The following DCDC2C variants were observed in gnomAD, a reference collection of about 807,000 sequenced individuals.
The protein encoded by DCDC2C is doublecortin domain containing 2C.
In DCDC2C, 44 loss-of-function variants were observed where a neutral mutation model predicts 45.0. That is an observed-to-expected ratio of 0.98 (90% CI 0.77 to 1.26). DCDC2C has a LOEUF of 1.26. Ranked by LOEUF, DCDC2C falls within the 50% of genes most tolerant of loss-of-function variation. The pLI, the probability that DCDC2C is intolerant of heterozygous loss-of-function variation, is 0.00. For synonymous variants in DCDC2C, 187 were observed against 178.8 expected, an observed-to-expected ratio of 1.05 and a Z score of -0.37; for missense variants, 447 against 468.9, an observed-to-expected ratio of 0.95 and a Z score of 0.43.
chr2:3,819,833 G>C (rs892194739), intron 10 of DCDC2C, among the ~76,000 whole-genome samples: 5 of 152,188 alleles, frequency 3.3e-5, no homozygotes, highest in South Asian at 4.1e-4. Flanking sequence ...TTGGGCAGGT[G>C]GGGGAGGGCT....
intron 1 of DCDC2C, among the ~76,000 whole-genome samples, chr2:3,705,175 G>A (rs571090373): frequency 6.6e-6 from 1 of 152,294 alleles, no homozygotes; most frequent in East Asian, 1.9e-4. Flanking sequence ...TTAGTATGAG[G>A]GCTGGTGTAT....
intron 10 of DCDC2C, among the ~76,000 whole-genome samples, chr2:3,816,105 G>A (rs1467027985): frequency 6.6e-6 from 1 of 152,166 alleles, no homozygotes; most frequent in Admixed American, 6.5e-5. Flanking sequence ...TAAGCTGAAG[G>A]AAGATTTTGT....
chr2:3,789,404 T>G (rs11887746), intron 10 of DCDC2C, among the ~76,000 whole-genome samples: 1 of 151,964 alleles, frequency 6.6e-6, no homozygotes, highest in African/African-American at 2.4e-5. Context: ...TATACTGTAT[T>G]TATTTATATT....
intron 2 of DCDC2C, among the ~76,000 whole-genome samples, chr2:3,718,763 C>G (rs541365652): frequency 6.6e-6 from 1 of 152,138 alleles, no homozygotes; most frequent in Non-Finnish European, 1.5e-5. Context: ...GTGGGTTTGT[C>G]GTCTCGCTGA....
chr2:3,708,487 T>G, intron 1 of DCDC2C, 62 bp from the exon 2 acceptor site: 1 of 1,332,756 alleles, frequency 7.5e-7, no homozygotes, highest in Non-Finnish European at 1.0e-6. Flanking sequence ...TTCTAAGGAG[T>G]CTGGAACTTT....
chr2:3,710,754 G>A (rs537689202), intron 2 of DCDC2C, among the ~76,000 whole-genome samples: 18 of 152,222 alleles, frequency 1.2e-4, no homozygotes, highest in East Asian at 7.7e-4. Context: ...CTGTTCCTGC[G>A]TTAATTCACT....
chr2:3,785,732 T>C (rs1352992128), intron 10 of DCDC2C, among the ~76,000 whole-genome samples: 1 of 152,190 alleles, frequency 6.6e-6, no homozygotes, highest in African/African-American at 2.4e-5. Flanking sequence ...GTGATTTTTG[T>C]CTGAATGTGT....
intron 6 of DCDC2C, among the ~76,000 whole-genome samples, chr2:3,755,183 GTGTA>G (rs778911326): frequency 2.6e-5 from 4 of 152,136 alleles, no homozygotes; most frequent in Non-Finnish European, 5.9e-5. Flanking sequence ...ATGCATGTGT[GTGTA>G]TGGATGCATA....
At chr2:3,711,732 AC>A (rs752106599) in intron 2 of DCDC2C, among the ~76,000 whole-genome samples, 98 of 152,170 alleles carry the variant, frequency 6.4e-4, no homozygotes, top group Non-Finnish European at 1.2e-3. Flanking sequence ...AATGTAATGG[AC>A]CCTTTGTGGA....
chr2:3,733,319 T>C (rs1668927125), intron 3 of DCDC2C, among the ~76,000 whole-genome samples: 1 of 152,216 alleles, frequency 6.6e-6, no homozygotes, highest in Non-Finnish European at 1.5e-5. Context: ...AAAGCTAAAG[T>C]GTTCAAGCCA....
intron 10 of DCDC2C, among the ~76,000 whole-genome samples, chr2:3,808,719 T>C (rs1196245549): frequency 6.6e-6 from 1 of 152,262 alleles, no homozygotes; most frequent in Non-Finnish European, 1.5e-5. Context: ...TCTCATTCTC[T>C]TAACATTGTA....
Position 3,806,488 on chromosome 2 carries a change from C to T in DCDC2C, c.1065+21388C>T, listed in dbSNP as rs1044626521. Among the ~76,000 whole-genome samples the T allele has an allele frequency of 8.1e-4, 123 of 152,062 alleles. 5 individuals carry two copies. Among genetic ancestry groups the T allele is most frequent in the Admixed American group, 3.9e-4 (6 of 15,268 alleles). On this transcript the variant is annotated intron_variant, in intron 10 of 10. Coordinates refer to ENST00000399143, the MANE Select transcript of DCDC2C (RefSeq NM_001287444.2). The stretch of plus-strand genomic sequence containing the variant: ...GAGTAGAGACCCATCTCTTGAAATC[C>T]TCATTGACAAAGTGCATGAGCTTCA...
intron 10 of DCDC2C, among the ~76,000 whole-genome samples, chr2:3,833,504 T>C (rs931481187): frequency 6.6e-6 from 1 of 152,234 alleles, no homozygotes; most frequent in Admixed American, 6.5e-5. Context: ...ACCATTTCCA[T>C]TGCCATTGTG....
intron 8 of DCDC2C, among the ~76,000 whole-genome samples, chr2:3,777,758 C>A (rs375368124): frequency 6.6e-6 from 1 of 152,186 alleles, no homozygotes; most frequent in Non-Finnish European, 1.5e-5. Context: ...ACGTCTGCCT[C>A]GCCACGGAAC....
At chr2:3,844,045 GTTTTA>G (rs1479168886) in intron 10 of DCDC2C, 1 of 152,014 alleles carries the variant, frequency 6.6e-6, no homozygotes, top group Non-Finnish European at 1.5e-5. Context: ...TGGTGATTTT[GTTTTA>G]TTTTATTTAC....
intron 2 of DCDC2C, among the ~76,000 whole-genome samples, chr2:3,710,638 C>T (rs1265028554): frequency 6.6e-6 from 1 of 152,142 alleles, no homozygotes; most frequent in Non-Finnish European, 1.5e-5. Context: ...CTCCGTCCGC[C>T]ATCTATTAAT....
In DCDC2C at chr2:3,847,006, C is replaced by T. The variant is rs552412057; in HGVS notation, c.1066-148C>T. ...GTGAGGAGCTGTGTGTGCTGCAGGT[C>T]CCAGGTCCCACCCCACCCCTCCCAG... On this transcript the variant is annotated intron_variant, in intron 10 of 10. Coordinates refer to ENST00000399143, the MANE Select transcript of DCDC2C (RefSeq NM_001287444.2). The T allele has an allele frequency of 1.0e-4, 42 of 418,254 alleles. No homozygotes were observed. The East Asian group carries it at 1.5e-3, about 15-fold the overall frequency. The allele number at this position is 418,254 out of a possible 1,614,324, so 25.9% of individuals were successfully genotyped here. A position where few individuals can be genotyped will look rare whatever the true frequency, so the allele number is the denominator to read the frequency against.
At chr2:3,829,888 G>A (rs1158148767) in intron 10 of DCDC2C, among the ~76,000 whole-genome samples, 1 of 152,144 alleles carries the variant, frequency 6.6e-6, no homozygotes, top group South Asian at 2.1e-4. Flanking sequence ...GCTGTTATCA[G>A]TTATTGACAC....
intron 2 of DCDC2C, among the ~76,000 whole-genome samples, chr2:3,720,359 A>C (rs533658889): frequency 6.6e-6 from 1 of 151,216 alleles, no homozygotes; most frequent in Non-Finnish European, 1.5e-5. Context: ...AGAGGAACTC[A>C]CTAAAGCCTG....
Sources: allele counts gnomAD v4.1 joint callset (sites outside exome capture counted in the v4.1 genomes callset), GRCh38; gene constraint gnomAD v4.1.1; transcripts MANE v1.5; gene names NCBI Gene and HGNC (gene_info 2026-07-23, HGNC 2026-07-21).